RARB: variants seen among roughly 807,000 people sequenced by gnomAD.
RARB encodes the protein retinoic acid receptor beta.
In RARB, 17 loss-of-function variants were observed where a neutral mutation model predicts 51.9. That is an observed-to-expected ratio of 0.33 (90% CI 0.22 to 0.49). RARB has a LOEUF of 0.49. Ranked by LOEUF, RARB falls within the 20% of genes least tolerant of loss-of-function variation. RARB has a pLI of 0.99. For missense variants in RARB, 369 were observed against 550.8 expected, an observed-to-expected ratio of 0.67 and a Z score of 3.30; for synonymous variants, 215 against 195.4, an observed-to-expected ratio of 1.10 and a Z score of -0.84.
At chr3:24,877,931 T>C (rs896491659) in intron 2 of RARB, among the ~76,000 whole-genome samples, 1 of 152,206 alleles carries the variant, frequency 6.6e-6, no homozygotes, top group Non-Finnish European at 1.5e-5. Flanking sequence ...CTAGGTGTTT[T>C]TCACAACACA....
intron 3 of RARB, among the ~76,000 whole-genome samples, chr3:25,096,479 C>T (rs1465789961): frequency 6.6e-6 from 1 of 152,076 alleles, no homozygotes; most frequent in East Asian, 1.9e-4. Flanking sequence ...TCTAAGATGC[C>T]TTATACACAA....
chr3:24,943,609 T>A (rs1421362677), intron 2 of RARB, among the ~76,000 whole-genome samples: 1 of 152,212 alleles, frequency 6.6e-6, no homozygotes, highest in Non-Finnish European at 1.5e-5. Context: ...GTGCAGGTTT[T>A]GAGCAGATGT....
At chr3:25,225,689 G>T (rs1305366084) in intron 5 of RARB, among the ~76,000 whole-genome samples, 2 of 152,068 alleles carry the variant, frequency 1.3e-5, no homozygotes, top group African/African-American at 4.8e-5. Context: ...TATGACAACT[G>T]GGTGATATAA....
At chr3:25,162,875 A>G (rs1267875657) in intron 4 of RARB, among the ~76,000 whole-genome samples, 1 of 152,236 alleles carries the variant, frequency 6.6e-6, no homozygotes, top group Non-Finnish European at 1.5e-5. Context: ...TAATGCTGCT[A>G]TAAACATTTG....
At chr3:25,251,446 A>C (rs1167083120) in intron 5 of RARB, among the ~76,000 whole-genome samples, 1 of 152,078 alleles carries the variant, frequency 6.6e-6, no homozygotes, top group Non-Finnish European at 1.5e-5. Context: ...GGTCCTTTCA[A>C]ACTATTTTCC....
At chr3:25,420,806 T>C (rs1707835693) in intron 5 of RARB, among the ~76,000 whole-genome samples, 1 of 151,762 alleles carries the variant, frequency 6.6e-6, no homozygotes, top group South Asian at 2.1e-4. Context: ...GATGAGTAAA[T>C]GGAGGGATGG....
chr3:25,113,920 G>T (rs1699644255), intron 3 of RARB, among the ~76,000 whole-genome samples: 1 of 152,146 alleles, frequency 6.6e-6, no homozygotes, highest in South Asian at 2.1e-4. Context: ...GATAGTAAAT[G>T]TCTGCCCTGT....
chr3:25,461,075 A>AT, intron 1 of RARB, 118 bp from the exon 2 acceptor site: 1 of 1,207,318 alleles, frequency 8.3e-7, no homozygotes, highest in Non-Finnish European at 1.1e-6. Context: ...TTATGAGCCC[A>AT]TTCTTGCTAG....
At chr3:25,223,428 A>G (rs1701990378) in intron 5 of RARB, among the ~76,000 whole-genome samples, 1 of 152,248 alleles carries the variant, frequency 6.6e-6, no homozygotes, top group African/African-American at 2.4e-5. Context: ...GATAACAAGC[A>G]TAAAGGTGGC....
At chr3:25,094,243 C>T (rs1042401605) in intron 3 of RARB, among the ~76,000 whole-genome samples, 2 of 152,142 alleles carry the variant, frequency 1.3e-5, no homozygotes, top group Non-Finnish European at 2.9e-5. Flanking sequence ...ACACTAAAGT[C>T]TGTCTGAAAT....
At chr3:25,344,956 T>G (rs565839230) in intron 5 of RARB, among the ~76,000 whole-genome samples, 3,138 of 152,354 alleles carry the variant, frequency 0.021, 74 homozygotes, top group African/African-American at 0.056. Flanking sequence ...TGTTTGTAAG[T>G]TAAAGTATAC....
intron 3 of RARB, among the ~76,000 whole-genome samples, chr3:25,112,545 G>A (rs904901860): frequency 2.6e-5 from 4 of 152,128 alleles, no homozygotes; most frequent in African/African-American, 9.7e-5. Flanking sequence ...GGGAAACTGA[G>A]GTGGGAAGAT....
At chr3:25,111,583 GT>G (rs370598264) in intron 3 of RARB, among the ~76,000 whole-genome samples, 70 of 120,860 alleles carry the variant, frequency 5.8e-4, no homozygotes, top group East Asian at 2.5e-3. Context: ...TCTAACAGTG[GT>G]TTTTTTTTTT....
chr3:25,402,678 T>G (rs532757841), intron 5 of RARB, among the ~76,000 whole-genome samples: 2 of 152,144 alleles, frequency 1.3e-5, no homozygotes, highest in African/African-American at 2.4e-5. Context: ...TGAAGGACAT[T>G]ATGTTAAGTG....
chr3:25,091,752 CAAAA>C (rs1699203444), intron 3 of RARB, among the ~76,000 whole-genome samples: 1 of 152,042 alleles, frequency 6.6e-6, no homozygotes, highest in African/African-American at 2.4e-5. Flanking sequence ...TAAAAAAAGA[CAAAA>C]AATATCTATT....
intron 2 of RARB, among the ~76,000 whole-genome samples, chr3:25,479,133 ATGT>A (rs1233263996): frequency 1.4e-5 from 2 of 145,258 alleles, no homozygotes; most frequent in Non-Finnish European, 3.0e-5. Flanking sequence ...TGTTTTAAAA[ATGT>A]TGTCTGTCTG....
intron 5 of RARB, among the ~76,000 whole-genome samples, chr3:25,321,258 T>C (rs1192573371): frequency 1.3e-5 from 2 of 152,164 alleles, no homozygotes; most frequent in Non-Finnish European, 2.9e-5. Flanking sequence ...GACTTTGAAA[T>C]GTACAGGGAA....
At chr3:25,070,863 G>A (rs1399382204) in intron 3 of RARB, among the ~76,000 whole-genome samples, 2 of 152,170 alleles carry the variant, frequency 1.3e-5, no homozygotes, top group African/African-American at 4.8e-5. Context: ...CAGTGTACTA[G>A]TACTGGTGTC....
intron 5 of RARB, among the ~76,000 whole-genome samples, chr3:25,265,182 C>T (rs112597828): frequency 6.6e-6 from 1 of 152,102 alleles, no homozygotes; most frequent in African/African-American, 2.4e-5. Context: ...AGAGTAATAG[C>T]TTTGTATTCT....
Sources: gnomAD v4.1 joint callset for allele counts (sites outside exome capture counted in the v4.1 genomes callset) on GRCh38, gnomAD v4.1.1 for gene constraint, MANE v1.5 for transcripts, NCBI Gene and HGNC (gene_info 2026-07-23, HGNC 2026-07-21) for gene names.